The following DYNC1LI2 variants were observed in gnomAD, a reference collection of about 807,000 sequenced individuals.
DYNC1LI2 encodes the protein cytoplasmic dynein 1 light intermediate chain 2.
A neutral mutation model predicts 57.8 loss-of-function variants in DYNC1LI2; 19 were observed. The observed-to-expected ratio is 0.33, with a 90% CI of 0.23 to 0.48. The LOEUF is 0.48. Among genes scored for constraint, DYNC1LI2 ranks in the 20% least tolerant of loss-of-function variants. The pLI, the probability that DYNC1LI2 is intolerant of heterozygous loss-of-function variation, is 0.99. For missense variants in DYNC1LI2, 470 were observed against 604.2 expected, an observed-to-expected ratio of 0.78 and a Z score of 2.33; for synonymous variants, 256 against 233.4, an observed-to-expected ratio of 1.10 and a Z score of -0.88.
At chr16:66,742,141 C>T (rs1171177472) in intron 4 of DYNC1LI2, among the ~76,000 whole-genome samples, 2 of 152,156 alleles carry the variant, frequency 1.3e-5, no homozygotes, top group East Asian at 3.8e-4. Flanking sequence ...CAGAAAAGCA[C>T]AGAGATCCAC....
chr16:66,730,095 C>T lies in DYNC1LI2; in HGVS notation c.1041+17G>A, dbSNP rs2017608759. 1.2e-6 allele frequency: 2 copies of T among 1,610,322 alleles called. No individual in the cohort carries two copies. Among genetic ancestry groups the T allele is most frequent in the Admixed American group, 3.4e-5 (2 of 59,394 alleles). On this transcript the variant is annotated intron_variant, in intron 8 of 12. Coordinates refer to ENST00000258198, the MANE Select transcript of DYNC1LI2 (RefSeq NM_006141.3). Reference sequence around the variant, plus strand: ...CGCGCCCGGCCCTAAACCCTTAAAGCAATTGTCTTTGACTACCTTTCTCAC... The same window carrying T: ...CGCGCCCGGCCCTAAACCCTTAAAGTAATTGTCTTTGACTACCTTTCTCAC...
intron 8 of DYNC1LI2, 31 bp downstream of exon 8, chr16:66,730,081 C>T (rs1370303615): frequency 1.9e-6 from 3 of 1,603,618 alleles, no homozygotes; most frequent in Non-Finnish European, 2.6e-6. Context: ...GCGCCCGGCC[C>T]TAAACCCTTA....
At chr16:66,728,844 T>G (rs11075642) in intron 9 of DYNC1LI2, among the ~76,000 whole-genome samples, 196 bp downstream of exon 9, 1 of 152,158 alleles carries the variant, frequency 6.6e-6, no homozygotes, top group East Asian at 1.9e-4. Flanking sequence ...GCAAGGCAGG[T>G]AGGTGATCTC....
intron 3 of DYNC1LI2, among the ~76,000 whole-genome samples, chr16:66,747,736 A>G (rs907592181): frequency 2.6e-5 from 4 of 151,816 alleles, no homozygotes; most frequent in Non-Finnish European, 2.9e-5. Context: ...CGCCTGGCTA[A>G]TGTTTTGTAT....
At chr16:66,750,139 C>G (rs1486648156) in intron 2 of DYNC1LI2, among the ~76,000 whole-genome samples, 1 of 152,220 alleles carries the variant, frequency 6.6e-6, no homozygotes, top group African/African-American at 2.4e-5. Context: ...ACTTCAGTAC[C>G]TGCTCATTTT....
chr16:66,728,339 C>T lies in DYNC1LI2; in HGVS notation c.1102-97G>A, dbSNP rs1017666361. 2.2e-6 allele frequency: 3 copies of T among 1,385,248 alleles called. No individual in the cohort carries two copies. The African/African-American group carries it at 4.3e-5, about 20-fold the overall frequency. 85.8% of individuals were successfully genotyped at this position (1,385,248 alleles called of 1,614,324 possible). ...ACTCCAAGTACTCCACTAGAGGGCA[C>T]TATTAACAACAACTAAGTCCTATGT... On this transcript the variant is annotated intron_variant, in intron 9 of 12. Transcript: ENST00000258198.
At chr16:66,729,176 G>A (rs2017589736) in intron 8 of DYNC1LI2, 77 bp from the exon 9 acceptor site, 5 of 1,524,214 alleles carry the variant, frequency 3.3e-6, no homozygotes, top group African/African-American at 2.7e-5. Flanking sequence ...GCCGAAAGGA[G>A]AGTCCGAGGC....
intron 4 of DYNC1LI2, among the ~76,000 whole-genome samples, chr16:66,740,492 G>A (rs1353422108): frequency 6.6e-6 from 1 of 152,204 alleles, no homozygotes; most frequent in Non-Finnish European, 1.5e-5. Context: ...GAGAAGGGGT[G>A]GTGACAGCAG....
At chr16:66,730,044 G>A in intron 8 of DYNC1LI2, 68 bp downstream of exon 8, 1 of 1,404,568 alleles carries the variant, frequency 7.1e-7, no homozygotes, top group South Asian at 1.3e-5. Flanking sequence ...GCCTCCCAAA[G>A]TGCTGGGATT....
Position 66,751,180 on chromosome 16 carries a change from G to A in DYNC1LI2, c.181+93C>T. The A allele has an allele frequency of 7.1e-7, 1 of 1,399,436 alleles. No individual in the cohort carries two copies. Among genetic ancestry groups the A allele is most frequent in the Non-Finnish European group, 9.6e-7 (1 of 1,036,274 alleles). 86.7% of individuals were successfully genotyped at this position (1,399,436 alleles called of 1,614,324 possible). ...CCCTTTCCCGCCAGGCTGCGGGCAG[G>A]CGGCTGGAACGGGGAAGGCGGGGAC... On this transcript the variant is annotated intron_variant, in intron 2 of 12. Transcript: ENST00000258198. This position sits in a 1 kb window ranked among gnomAD's most constrained non-coding sequence, Gnocchi z 5.2.
chr16:66,737,490 CA>C lies in DYNC1LI2; in HGVS notation c.530-1247del, dbSNP rs754336347. On this transcript the variant is annotated intron_variant, in intron 4 of 12. Coordinates refer to ENST00000258198, the MANE Select transcript of DYNC1LI2 (RefSeq NM_006141.3). Reference sequence around the variant, plus strand: ...AGTAAGACAGAGCGAGACTCCGTCTCAAAAAAAAAAAAAAAAAAAATGCTTA... The same window carrying C: ...AGTAAGACAGAGCGAGACTCCGTCTCAAAAAAAAAAAAAAAAAAATGCTTA... Among the ~76,000 whole-genome samples, 451 of 58,040 alleles carry C rather than the reference CA, an allele frequency of 7.8e-3. 4 individuals are homozygous for C. The highest frequency in any genetic ancestry group is 0.012 in the Admixed American group (58 of 4,822). The allele number at this position is 58,040 out of a possible 152,430, so 38.1% of individuals were successfully genotyped here. A position where few individuals can be genotyped will look rare whatever the true frequency, so the allele number is the denominator to read the frequency against.
At chr16:66,727,880 T>A in intron 10 of DYNC1LI2, 75 bp from the exon 11 acceptor site, 3 of 1,300,628 alleles carry the variant, frequency 2.3e-6, no homozygotes, top group Non-Finnish European at 3.3e-6. Context: ...AATGGAGACA[T>A]GCTTCTGAGG....
chr16:66,727,935 A>G (rs1305755122), intron 10 of DYNC1LI2, 130 bp from the exon 11 acceptor site: 40 of 924,330 alleles, frequency 4.3e-5, no homozygotes, highest in Non-Finnish European at 5.8e-5. Context: ...GTATGCTCTC[A>G]ATTCAAGCCC....
intron 4 of DYNC1LI2, among the ~76,000 whole-genome samples, chr16:66,741,897 CAAAAAAAAAAAA>C (rs66527903): frequency 2.8e-5 from 3 of 106,848 alleles, no homozygotes; most frequent in Non-Finnish European, 3.8e-5. Context: ...ATGTTAATTA[CAAAAAAAAAAAA>C]AAAAAAAAAA....
intron 4 of DYNC1LI2, among the ~76,000 whole-genome samples, chr16:66,741,619 G>A (rs554517157): frequency 6.6e-6 from 1 of 152,078 alleles, no homozygotes; most frequent in Non-Finnish European, 1.5e-5. Context: ...CACCAGAGGG[G>A]GTGATGTCAT....
chr16:66,749,620 G>A (rs1353554175), intron 2 of DYNC1LI2, among the ~76,000 whole-genome samples: 1 of 152,170 alleles, frequency 6.6e-6, no homozygotes, highest in African/African-American at 2.4e-5. Context: ...TGCATTCGGA[G>A]AAGTGAAAGT....
chr16:66,738,088 C>A (rs139053089), intron 4 of DYNC1LI2, among the ~76,000 whole-genome samples: 1 of 152,178 alleles, frequency 6.6e-6, no homozygotes, highest in Non-Finnish European at 1.5e-5. Flanking sequence ...ACATTTCAAA[C>A]CACGAGTTTT....
intron 11 of DYNC1LI2, 98 bp downstream of exon 11, chr16:66,727,590 G>T: frequency 8.9e-7 from 1 of 1,123,368 alleles, no homozygotes; most frequent in Non-Finnish European, 1.3e-6. Flanking sequence ...TGGCTTCCAT[G>T]AGTCTCCACC....
At chr16:66,728,470 G>C (rs991083031) in intron 9 of DYNC1LI2, among the ~76,000 whole-genome samples, 2 of 152,190 alleles carry the variant, frequency 1.3e-5, no homozygotes, top group African/African-American at 4.8e-5. Flanking sequence ...GCAAAGGACA[G>C]AAAGGAAAAA....
Sources: gnomAD v4.1 joint callset for allele counts (sites outside exome capture counted in the v4.1 genomes callset) on GRCh38, gnomAD v4.1.1 for gene constraint, Gnocchi (gnomAD v3.1) non-coding constraint, MANE v1.5 for transcripts, NCBI Gene and HGNC (gene_info 2026-07-23, HGNC 2026-07-21) for gene names.